PAX7: variants seen among roughly 807,000 people sequenced by gnomAD.
The protein encoded by PAX7 is paired box protein Pax-7.
In PAX7, 18 loss-of-function variants were observed where a neutral mutation model predicts 50.7. The ratio of observed to expected loss-of-function variants is 0.36; its 90% confidence interval spans 0.25 to 0.53. The LOEUF is 0.53. PAX7 is among the 20% of genes least tolerant of loss of function. The pLI is 0.93. For synonymous variants in PAX7, 310 were observed against 290.4 expected, an observed-to-expected ratio of 1.07 and a Z score of -0.69; for missense variants, 644 against 702.9, an observed-to-expected ratio of 0.92 and a Z score of 0.95.
intron 7 of PAX7, among the ~76,000 whole-genome samples, chr1:18,720,100 G>A (rs932468108): frequency 1.3e-5 from 2 of 152,158 alleles, no homozygotes; most frequent in African/African-American, 4.8e-5. Context: ...GAACAGGCAG[G>A]GTCTGGAGCA....
chr1:18,739,311 C>A (rs183430706), intron 8 of PAX7, among the ~76,000 whole-genome samples: 1 of 152,212 alleles, frequency 6.6e-6, no homozygotes, highest in Admixed American at 6.5e-5. Flanking sequence ...CCCACCCATG[C>A]GTGGATTCAT....
At chr1:18,740,610 G>A (rs1931083181) in intron 8 of PAX7, among the ~76,000 whole-genome samples, 1 of 152,176 alleles carries the variant, frequency 6.6e-6, no homozygotes, top group African/African-American at 2.4e-5. Context: ...TTGTTGTTCT[G>A]ATTATTATTC....
chr1:18,717,701 C>T (rs1191962596), intron 7 of PAX7, among the ~76,000 whole-genome samples: 1 of 152,200 alleles, frequency 6.6e-6, no homozygotes, highest in East Asian at 1.9e-4. Flanking sequence ...AAGCCTGGCA[C>T]GAAGTAGGTG....
At chr1:18,744,767 A>G in intron 8 of PAX7, 47 bp from the exon 9 acceptor site, 1 of 1,136,272 alleles carries the variant, frequency 8.8e-7, no homozygotes, top group East Asian at 2.6e-5. Context: ...ATGGAAGAAT[A>G]AACAAAAAGA....
At chr1:18,709,832 G>A (rs1441603746) in intron 7 of PAX7, among the ~76,000 whole-genome samples, 2 of 152,192 alleles carry the variant, frequency 1.3e-5, no homozygotes, top group Non-Finnish European at 2.9e-5. Flanking sequence ...GGTTGGTCTG[G>A]TGGTCCATCC....
At chr1:18,681,372 T>C (rs2088897258) in intron 4 of PAX7, among the ~76,000 whole-genome samples, 3 of 152,080 alleles carry the variant, frequency 2.0e-5, no homozygotes, top group African/African-American at 7.2e-5. Flanking sequence ...CATGATATCT[T>C]CAACTTCAAC....
At chr1:18,669,291 G>A (rs1481877572) in intron 4 of PAX7, among the ~76,000 whole-genome samples, 1 of 152,190 alleles carries the variant, frequency 6.6e-6, no homozygotes, top group African/African-American at 2.4e-5. Context: ...CACATAGCAG[G>A]GGAGTAGAGG....
Position 18,726,871 on chromosome 1 carries a change from G to A in PAX7, c.1156-8761G>A, listed in dbSNP as rs1360742284. On this transcript the variant is annotated intron_variant, in intron 7 of 8. Coordinates refer to ENST00000420770, the MANE Select transcript of PAX7 (RefSeq NM_001135254.2). The surrounding 1 kb of genome is among the most constrained non-coding windows in gnomAD (Gnocchi z 4.8). ...GAGAAGAGACCCCACCAGGGTTGTG[G>A]GTGGCTAGCCCCCACCCTGGTCAGA... Among the ~76,000 whole-genome samples, 2 of 152,134 alleles carry A rather than the reference G, an allele frequency of 1.3e-5. No individual in the cohort carries two copies. The highest frequency in any genetic ancestry group is 1.9e-4 in the East Asian group (1 of 5,198).
chr1:18,697,199 C>A lies in PAX7; in HGVS notation c.787-3454C>A, dbSNP rs956568051. Among the ~76,000 whole-genome samples, 3 of 152,182 alleles carry A rather than the reference C, an allele frequency of 2.0e-5. No individual in the cohort carries two copies. In the South Asian group the frequency reaches 6.2e-4, roughly 32 times the overall value. On this transcript the variant is annotated intron_variant, in intron 5 of 8. Transcript: ENST00000420770. The stretch of plus-strand genomic sequence containing the variant: ...GTACACAGATGGCATCAACTGTACC[C>A]TACTCCCAGCGCAGGGTATTGAGAG...
chr1:18,640,857 G>T (rs2088240959), intron 4 of PAX7, among the ~76,000 whole-genome samples: 1 of 151,310 alleles, frequency 6.6e-6, no homozygotes, highest in Admixed American at 6.6e-5. Context: ...TGGGGGGGAT[G>T]GGGCGAGCGG....
chr1:18,736,662 G>A (rs1006755574), intron 8 of PAX7, among the ~76,000 whole-genome samples: 4 of 151,822 alleles, frequency 2.6e-5, no homozygotes, highest in East Asian at 3.9e-4. Flanking sequence ...ATTTTAATTC[G>A]GACACTGAGT....
chr1:18,651,219 A>G (rs1000073908), intron 4 of PAX7, among the ~76,000 whole-genome samples: 1 of 152,172 alleles, frequency 6.6e-6, no homozygotes, highest in African/African-American at 2.4e-5. Flanking sequence ...TTAAAATGAG[A>G]TGAAAGACCT....
chr1:18,665,618 C>T (rs2088657230), intron 4 of PAX7, among the ~76,000 whole-genome samples: 1 of 151,736 alleles, frequency 6.6e-6, no homozygotes, highest in Admixed American at 6.6e-5. Context: ...CGTGATCCAC[C>T]TGCCTCACCC....
chr1:18,731,483 G>A (rs924036467), intron 7 of PAX7, among the ~76,000 whole-genome samples: 1 of 152,044 alleles, frequency 6.6e-6, no homozygotes, highest in African/African-American at 2.4e-5. Context: ...TTGCTTCCTC[G>A]TGTCTCAATT....
At chr1:18,721,253 T>A (rs2089489182) in intron 7 of PAX7, among the ~76,000 whole-genome samples, 1 of 152,152 alleles carries the variant, frequency 6.6e-6, no homozygotes, top group Non-Finnish European at 1.5e-5. Context: ...GGGTGAGAAG[T>A]CCTGCCCTTT....
intron 4 of PAX7, among the ~76,000 whole-genome samples, chr1:18,686,913 C>T (rs1296300342): frequency 2.2e-5 from 3 of 138,696 alleles, no homozygotes; most frequent in Non-Finnish European, 3.1e-5. Context: ...TTTTTTGAGA[C>T]AGAGTCTTGC....
At position 18,744,991 on chromosome 1, in the gene PAX7, T is replaced by C. The variant is rs540243275; in HGVS notation, c.*62T>C. The C allele has an allele frequency of 2.6e-5, 26 of 995,312 alleles. No homozygotes were observed. The African/African-American group carries it at 3.4e-4, about 13-fold the overall frequency. The allele number at this position is 995,312 out of a possible 1,614,324, so 61.7% of individuals were successfully genotyped here. A position where few individuals can be genotyped will look rare whatever the true frequency, so the allele number is the denominator to read the frequency against. On this transcript the variant is annotated 3_prime_UTR_variant, in exon 9 of 9. Coordinates refer to ENST00000420770, the MANE Select transcript of PAX7 (RefSeq NM_001135254.2). ...CCCAACCCTAACTGACCCCTGAGCT[T>C]CCCAGCCTTGCCGCCTCACCCCCCT...
rs1931461063 is a variant in PAX7, at chr1:18,746,790, A to G, written c.*1861A>G. 8.6e-6 allele frequency: 2 copies of G among 231,908 alleles called. No individual in the cohort carries two copies. The highest frequency in any genetic ancestry group is 2.2e-5 in the African/African-American group (1 of 45,268). 14.4% of individuals were successfully genotyped at this position (231,908 alleles called of 1,614,324 possible). Reference sequence around the variant, plus strand: ...CACCTGCATGGACATCACCTCTGTGACAAATGCTTACCTGTTTCTCATCTT... The same window carrying G: ...CACCTGCATGGACATCACCTCTGTGGCAAATGCTTACCTGTTTCTCATCTT... On this transcript the variant is annotated 3_prime_UTR_variant, in exon 9 of 9. Transcript: ENST00000420770.
rs1251064339 is a variant in PAX7 at position 18,746,365 on chromosome 1, C to T, written c.*1436C>T. On this transcript the variant is annotated 3_prime_UTR_variant, in exon 9 of 9. Coordinates refer to ENST00000420770, the MANE Select transcript of PAX7 (RefSeq NM_001135254.2). ...AGGGAAGAGGCACCTTCCTTGACCACACCAGTGGCCTCCTGAAGTTCCATG... is the reference window on the plus strand; with the variant it reads ...AGGGAAGAGGCACCTTCCTTGACCATACCAGTGGCCTCCTGAAGTTCCATG... 1 of 230,764 alleles carries T rather than the reference C, an allele frequency of 4.3e-6. No homozygotes were observed. Among genetic ancestry groups the T allele is most frequent in the East Asian group, 6.1e-5 (1 of 16,280 alleles). The allele number at this position is 230,764 out of a possible 1,614,324, so 14.3% of individuals were successfully genotyped here. A position where few individuals can be genotyped will look rare whatever the true frequency, so the allele number is the denominator to read the frequency against.
Sources: gnomAD v4.1 joint callset for allele counts (sites outside exome capture counted in the v4.1 genomes callset) on GRCh38, gnomAD v4.1.1 for gene constraint, Gnocchi (gnomAD v3.1) non-coding constraint, MANE v1.5 for transcripts, NCBI Gene and HGNC (gene_info 2026-07-23, HGNC 2026-07-21) for gene names.